Variants in SLC16A10 observed in about 807,000 individuals in gnomAD.
The protein encoded by SLC16A10 is solute carrier family 16 member 10, also known as monocarboxylate transporter 10.
SLC16A10 carries 27 observed loss-of-function variants against 40.0 expected under a neutral mutation model. That is an observed-to-expected ratio of 0.67 (90% CI 0.50 to 0.93). SLC16A10 has a LOEUF of 0.93. SLC16A10 is among the 40% of genes least tolerant of loss of function. SLC16A10 has a pLI of 0.00. For synonymous variants in SLC16A10, 213 were observed against 249.8 expected (o/e 0.85, Z 1.39); for missense variants, 529 against 658.2 (o/e 0.80, Z 2.15).
chr6:111,146,837 G>A (rs372125107), intron 1 of SLC16A10, among the ~76,000 whole-genome samples: 9 of 152,130 alleles, frequency 5.9e-5, no homozygotes, highest in East Asian at 1.9e-4. Context: ...TAAGCAAAAC[G>A]TGGTGTATTA....
At chr6:111,155,022 C>CAAAAAA (rs397888706) in intron 1 of SLC16A10, among the ~76,000 whole-genome samples, 6 of 53,450 alleles carry the variant, frequency 1.1e-4, no homozygotes, top group South Asian at 7.2e-4. Context: ...GACTCCATCT[C>CAAAAAA]AAAAAAAAAA....
intron 1 of SLC16A10, among the ~76,000 whole-genome samples, chr6:111,131,808 C>T (rs554534864): frequency 2.7e-4 from 41 of 152,310 alleles, no homozygotes; most frequent in Middle Eastern, 6.8e-3. Context: ...GAGATCATGG[C>T]GCAGCCAGAA....
At chr6:111,155,214 T>G (rs1380109572) in intron 1 of SLC16A10, among the ~76,000 whole-genome samples, 24 of 111,494 alleles carry the variant, frequency 2.2e-4, no homozygotes, top group African/African-American at 7.6e-4. Context: ...TTTTTTTTTT[T>G]GAAACAGGAT....
rs1243551708 is a variant in SLC16A10, at chr6:111,109,145, T to G, written c.343+21050T>G. Among the ~76,000 whole-genome samples the G allele has an allele frequency of 3.9e-5, 6 of 152,354 alleles. No homozygotes were observed. The East Asian group carries it at 9.6e-4, about 24-fold the overall frequency. ...TTTGATAGTTCTGACAATCAAACTG[T>G]ATACAATCATGTAACCACCATCACA... On this transcript the variant is annotated intron_variant, in intron 1 of 5. Coordinates refer to ENST00000368851, the MANE Select transcript of SLC16A10 (RefSeq NM_018593.5).
intron 3 of SLC16A10, among the ~76,000 whole-genome samples, chr6:111,199,806 T>C (rs1236866851): frequency 2.8e-5 from 4 of 142,606 alleles, no homozygotes; most frequent in Admixed American, 2.2e-4. Flanking sequence ...TTATTTGTTT[T>C]GTTTGTAATC....
chr6:111,165,187 T>C (rs1048711123), intron 1 of SLC16A10, among the ~76,000 whole-genome samples: 2 of 152,190 alleles, frequency 1.3e-5, no homozygotes, highest in African/African-American at 4.8e-5. Flanking sequence ...TAAATAGTTA[T>C]AGCTGGAAGA....
chr6:111,160,779 T>C (rs994899421), intron 1 of SLC16A10, among the ~76,000 whole-genome samples: 15 of 151,540 alleles, frequency 9.9e-5, no homozygotes, highest in African/African-American at 2.4e-4. Flanking sequence ...CAGGTGGTTT[T>C]TCTCTCTCTC....
intron 3 of SLC16A10, among the ~76,000 whole-genome samples, chr6:111,199,066 G>C (rs1466563647): frequency 2.6e-5 from 4 of 152,160 alleles, no homozygotes; most frequent in African/African-American, 9.7e-5. Flanking sequence ...GCATAGACAC[G>C]GTCTGTTGTG....
chr6:111,126,644 A>C (rs1308192551), intron 1 of SLC16A10, among the ~76,000 whole-genome samples: 4 of 152,120 alleles, frequency 2.6e-5, no homozygotes, highest in Non-Finnish European at 5.9e-5. Flanking sequence ...TATACTTTTC[A>C]ATTTGTTTTT....
chr6:111,133,461 A>G (rs984565952), intron 1 of SLC16A10, among the ~76,000 whole-genome samples: 1 of 152,182 alleles, frequency 6.6e-6, no homozygotes, highest in Non-Finnish European at 1.5e-5. Flanking sequence ...TAAGAAAGAA[A>G]TGACTTACAT....
chr6:111,126,393 T>G (rs78893654), intron 1 of SLC16A10, among the ~76,000 whole-genome samples: 2,192 of 152,294 alleles, frequency 0.014, 37 homozygotes, highest in African/African-American at 0.051. Flanking sequence ...TTGATTAGCT[T>G]CTTCTTATAG....
At chr6:111,144,462 C>G (rs1036655138) in intron 1 of SLC16A10, among the ~76,000 whole-genome samples, 2 of 152,200 alleles carry the variant, frequency 1.3e-5, no homozygotes, top group Non-Finnish European at 2.9e-5. Context: ...CTCAGCCTCC[C>G]AAAGTGCTGG....
chr6:111,196,705 A>G (rs1461556574), intron 3 of SLC16A10, among the ~76,000 whole-genome samples: 1 of 152,222 alleles, frequency 6.6e-6, no homozygotes, highest in Non-Finnish European at 1.5e-5. Flanking sequence ...ATAGTTTGTT[A>G]CTAGAGAAGT....
At chr6:111,159,067 C>CAAAA (rs548809670) in intron 1 of SLC16A10, among the ~76,000 whole-genome samples, 630 of 23,378 alleles carry the variant, frequency 0.027, 55 homozygotes, top group African/African-American at 0.076. Flanking sequence ...GACCCTGACT[C>CAAAA]AAAAAAAAAA....
At chr6:111,129,126 G>A (rs1355478172) in intron 1 of SLC16A10, among the ~76,000 whole-genome samples, 1 of 152,224 alleles carries the variant, frequency 6.6e-6, no homozygotes, top group Non-Finnish European at 1.5e-5. Flanking sequence ...AACATGAAAA[G>A]GTTACGAGGC....
chr6:111,192,066 G>T (rs1434289771), intron 3 of SLC16A10, among the ~76,000 whole-genome samples: 1 of 152,078 alleles, frequency 6.6e-6, no homozygotes, highest in South Asian at 2.1e-4. Context: ...ATTGCTTTTG[G>T]TGTTGTAGTC....
chr6:111,127,240 T>C (rs751359798), intron 1 of SLC16A10, among the ~76,000 whole-genome samples: 2 of 152,176 alleles, frequency 1.3e-5, no homozygotes, highest in Non-Finnish European at 2.9e-5. Context: ...TTGAGGAAAG[T>C]AAAACGGGAC....
chr6:111,189,628 G>C (rs1216283701), intron 3 of SLC16A10, among the ~76,000 whole-genome samples: 1 of 152,170 alleles, frequency 6.6e-6, no homozygotes, highest in Non-Finnish European at 1.5e-5. Flanking sequence ...TGGCTGGGTA[G>C]GCTTCACAGT....
chr6:111,128,969 GTTTTA>G (rs1274135789), intron 1 of SLC16A10, among the ~76,000 whole-genome samples: 2 of 122,736 alleles, frequency 1.6e-5, no homozygotes, highest in Admixed American at 8.5e-5. Flanking sequence ...CATTTCAATT[GTTTTA>G]TTTTTTCATA....
Sources: gnomAD v4.1 joint callset for allele counts (sites outside exome capture counted in the v4.1 genomes callset) on GRCh38, gnomAD v4.1.1 for gene constraint, MANE v1.5 for transcripts, NCBI Gene and HGNC (gene_info 2026-07-23, HGNC 2026-07-21) for gene names.